Variants in SUMF1 observed in about 807,000 individuals in gnomAD.
The protein encoded by SUMF1 is formylglycine-generating enzyme.
In SUMF1, 48 loss-of-function variants were observed where a neutral mutation model predicts 47.6. The ratio of observed to expected loss-of-function variants is 1.01; its 90% CI spans 0.80 to 1.28. The LOEUF is 1.28. SUMF1 is among the 50% of genes most tolerant of loss of function. The probability of loss-of-function intolerance (pLI) is 0.00; values close to 1 mark genes in which losing one functional copy is unlikely to be tolerated. For missense variants in SUMF1, 571 were observed against 485.4 expected, an observed-to-expected ratio of 1.18 and a Z score of -1.66; for synonymous variants, 230 against 192.1, an observed-to-expected ratio of 1.20 and a Z score of -1.63.
intron 8 of SUMF1, among the ~76,000 whole-genome samples, chr3:4,173,578 A>G (rs922261823): frequency 1.3e-5 from 2 of 152,186 alleles, no homozygotes; most frequent in Admixed American, 6.5e-5. Context: ...ACATATGCAT[A>G]CGTATGTTTA....
rs533257802 is a variant in SUMF1, at chr3:4,106,891, C to T, written c.1015-38146G>A. On this transcript the variant is annotated intron_variant and NMD_transcript_variant, in intron 8 of 12. Coordinates refer to the SUMF1 transcript ENST00000448413. ...TTAGAATCCTCATAATAAAGCTATA[C>T]CATCAGGTAAAATAAACTATATTTT... Among the ~76,000 whole-genome samples, 9 of 152,150 alleles carry T rather than the reference C, an allele frequency of 5.9e-5. 1 individual carries two copies. In the South Asian group the frequency reaches 1.9e-3, roughly 32 times the overall value.
At chr3:4,131,275 T>A (rs1201122249) in intron 8 of SUMF1, among the ~76,000 whole-genome samples, 3 of 152,118 alleles carry the variant, frequency 2.0e-5, no homozygotes, top group African/African-American at 7.2e-5. Context: ...ACAAGTAAGT[T>A]ACATAAGGAA....
At chr3:4,465,777 G>T (rs2079928855) in intron 1 of SUMF1, among the ~76,000 whole-genome samples, 1 of 152,226 alleles carries the variant, frequency 6.6e-6, no homozygotes, top group African/African-American at 2.4e-5. Flanking sequence ...TCCAGTTGGG[G>T]AGAGACATCA....
At chr3:4,311,498 T>C (rs1186593036) in intron 8 of SUMF1, among the ~76,000 whole-genome samples, 1 of 152,188 alleles carries the variant, frequency 6.6e-6, no homozygotes, top group Non-Finnish European at 1.5e-5. Flanking sequence ...CCCATGAAAC[T>C]GCTTCCTGGA....
At position 4,303,812 on chromosome 3, in the gene SUMF1, CAAG is replaced by C. The variant is rs765773476; in HGVS notation, c.1014+72515_1014+72517del. On this transcript the variant is annotated intron_variant and NMD_transcript_variant, in intron 8 of 12. Transcript: ENST00000448413. ...TTTGTCCAGTCCTGTCCTCAGAACT[CAAG>C]GAGGCATCACGGGGGGAGTCATTTA... 6.6e-5 allele frequency: 91 copies of C among 1,389,134 alleles called. 2 individuals carry two copies. In the Admixed American group the frequency reaches 1.1e-3, roughly 17 times the overall value. 86.1% of individuals were successfully genotyped at this position (1,389,134 alleles called of 1,614,324 possible). A position where few individuals can be genotyped will look rare whatever the true frequency, so the allele number is the denominator to read the frequency against.
At chr3:4,377,117 A>G (rs1243847918) in intron 7 of SUMF1, among the ~76,000 whole-genome samples, 2 of 152,204 alleles carry the variant, frequency 1.3e-5, no homozygotes, top group Admixed American at 1.3e-4. Context: ...ATATGTTTTT[A>G]TAATCCCGCT....
At chr3:4,163,036 TGAAG>T (rs1694614295) in intron 8 of SUMF1, among the ~76,000 whole-genome samples, 1 of 151,854 alleles carries the variant, frequency 6.6e-6, no homozygotes, top group African/African-American at 2.4e-5. Flanking sequence ...TTAGCCCAAC[TGAAG>T]GAAGAAAAAT....
chr3:4,152,575 G>A (rs1248996961), intron 8 of SUMF1, among the ~76,000 whole-genome samples: 1 of 151,384 alleles, frequency 6.6e-6, no homozygotes, highest in Non-Finnish European at 1.5e-5. Context: ...TTACAGGCAT[G>A]AGCCACCGTG....
chr3:4,112,407 G>C lies in SUMF1; in HGVS notation c.1015-43662C>G, dbSNP rs141873325. Among the ~76,000 whole-genome samples, 56 of 152,234 alleles carry C rather than the reference G, an allele frequency of 3.7e-4. 1 individual carries two copies. Among genetic ancestry groups the C allele is most frequent in the Middle Eastern group, 3.4e-3 (1 of 294 alleles). On this transcript the variant is annotated intron_variant and NMD_transcript_variant, in intron 8 of 12. Transcript: ENST00000448413. ...CTGGTCCCTTCCAATAAAAGAGTTAGCTTGTGCCAAGAATAGATAAAATTG... is the reference window on the plus strand; with the variant it reads ...CTGGTCCCTTCCAATAAAAGAGTTACCTTGTGCCAAGAATAGATAAAATTG...
chr3:4,103,153 C>A (rs963238349), intron 8 of SUMF1, among the ~76,000 whole-genome samples: 6 of 151,548 alleles, frequency 4.0e-5, no homozygotes, highest in Admixed American at 2.6e-4. Flanking sequence ...GAACTCCTGA[C>A]CTCAAGTGAT....
chr3:4,263,976 A>G (rs547082836), intron 8 of SUMF1, among the ~76,000 whole-genome samples: 24 of 152,348 alleles, frequency 1.6e-4, no homozygotes, highest in Middle Eastern at 3.4e-3. Flanking sequence ...AGGAAAATAC[A>G]TATTAATAGC....
intron 8 of SUMF1, among the ~76,000 whole-genome samples, chr3:4,091,299 C>T (rs1224477264): frequency 6.6e-6 from 1 of 152,090 alleles, no homozygotes; most frequent in African/African-American, 2.4e-5. Context: ...AAAGACAGCA[C>T]ACTCCTTCAC....
At chr3:4,386,672 C>T (rs1296052404) in intron 7 of SUMF1, among the ~76,000 whole-genome samples, 1 of 151,970 alleles carries the variant, frequency 6.6e-6, no homozygotes, top group East Asian at 1.9e-4. Context: ...ACATAGTTAC[C>T]TTTTTCCCAA....
At position 4,184,478 on chromosome 3, in the gene SUMF1, G is replaced by A. The variant is rs1177833938; in HGVS notation, c.1015-115733C>T. Among the ~76,000 whole-genome samples the A allele has an allele frequency of 3.3e-5, 5 of 151,670 alleles. No individual in the cohort carries two copies. In the East Asian group the frequency reaches 9.7e-4, roughly 29 times the overall value. ...CTCAAAAAGAAAAAAAAGAAAAAAA[G>A]AAAGAAAAAAATGCAAAAGAGTCGA... On this transcript the variant is annotated intron_variant and NMD_transcript_variant, in intron 8 of 12. Transcript: ENST00000448413.
chr3:4,332,810 C>A (rs137941627), intron 8 of SUMF1, among the ~76,000 whole-genome samples: 1 of 152,164 alleles, frequency 6.6e-6, no homozygotes, highest in East Asian at 1.9e-4. Flanking sequence ...TAAGTGAGAA[C>A]AGGCATTCCT....
chr3:4,189,122 T>C (rs560849614), intron 8 of SUMF1, among the ~76,000 whole-genome samples: 3 of 152,228 alleles, frequency 2.0e-5, no homozygotes, highest in Admixed American at 2.0e-4. Flanking sequence ...GTACATCAAG[T>C]CCAAAATATT....
At chr3:4,313,371 T>A in intron 8 of SUMF1, 1 of 1,613,982 alleles carries the variant, frequency 6.2e-7, no homozygotes, top group South Asian at 1.1e-5. Context: ...AAACATTTGT[T>A]GACCCTACTT....
intron 8 of SUMF1, among the ~76,000 whole-genome samples, chr3:4,151,447 A>G (rs1255140859): frequency 6.8e-6 from 1 of 146,140 alleles, no homozygotes; most frequent in Non-Finnish European, 1.5e-5. Flanking sequence ...ATATGTATAT[A>G]TGTATACATG....
chr3:4,430,584 A>G (rs1423340529), intron 3 of SUMF1, among the ~76,000 whole-genome samples: 1 of 152,066 alleles, frequency 6.6e-6, no homozygotes, highest in Non-Finnish European at 1.5e-5. Flanking sequence ...GAATAGGTTC[A>G]TGATGCTATC....
Sources: gnomAD v4.1 joint callset for allele counts (sites outside exome capture counted in the v4.1 genomes callset) on GRCh38, gnomAD v4.1.1 for gene constraint, MANE v1.5 for transcripts, NCBI Gene and HGNC (gene_info 2026-07-23, HGNC 2026-07-21) for gene names.